DSN1: variants seen among roughly 807,000 people sequenced by gnomAD.
The protein encoded by DSN1 is DSN1 component of MIS12 kinetochore complex.
DSN1 carries 31 observed loss-of-function variants against 45.7 expected under a neutral mutation model. The observed-to-expected ratio is 0.68, with a 90% CI of 0.51 to 0.92. DSN1 has a LOEUF of 0.92. DSN1 is among the 40% of genes least tolerant of loss of function. The probability of loss-of-function intolerance (pLI) is 0.00; values close to 1 mark genes in which losing one functional copy is unlikely to be tolerated. For missense variants in DSN1, 394 were observed against 414.2 expected (o/e 0.95, Z 0.42); for synonymous variants, 134 against 142.3 (o/e 0.94, Z 0.41).
chr20:36,761,842 A>C (rs1986997591), intron 6 of DSN1, among the ~76,000 whole-genome samples: 1 of 150,692 alleles, frequency 6.6e-6, no homozygotes, highest in Non-Finnish European at 1.5e-5. Flanking sequence ...CCCCATCCCT[A>C]CTAAAAATAC....
chr20:36,770,541 T>G (rs972672051), intron 3 of DSN1, among the ~76,000 whole-genome samples: 1 of 152,138 alleles, frequency 6.6e-6, no homozygotes, highest in Non-Finnish European at 1.5e-5. Context: ...AATTAGAAAT[T>G]TATTTGTGGC....
At position 36,773,743 on chromosome 20, in the gene DSN1, G is replaced by A. The variant is rs1987773797; in HGVS notation, c.-97C>T. 2.0e-6 allele frequency: 2 copies of A among 985,574 alleles called. No individual in the cohort carries two copies. Among genetic ancestry groups the A allele is most frequent in the African/African-American group, 1.7e-5 (1 of 57,362 alleles). The allele number at this position is 985,574 out of a possible 1,614,324, so 61.1% of individuals were successfully genotyped here. On this transcript the variant is annotated 5_prime_UTR_variant, in exon 1 of 11. Transcript: ENST00000373750. ...TGCGCACCCGCAGCCGATACTCCCT[G>A]ATCAGGGTGAAGCGGTCTCCACCTT...
chr20:36,769,715 T>C (rs1363439626), intron 3 of DSN1, among the ~76,000 whole-genome samples: 1 of 152,072 alleles, frequency 6.6e-6, no homozygotes, highest in Non-Finnish European at 1.5e-5. Flanking sequence ...ATGAGGACCT[T>C]AAGACAAAGA....
intron 3 of DSN1, among the ~76,000 whole-genome samples, chr20:36,770,376 T>C (rs1022749081): frequency 2.0e-5 from 3 of 152,138 alleles, no homozygotes; most frequent in Non-Finnish European, 4.4e-5. Context: ...CTCTAGATAT[T>C]TGTATGTGCA....
chr20:36,763,275 C>T (rs557304712), intron 5 of DSN1, among the ~76,000 whole-genome samples: 1 of 151,878 alleles, frequency 6.6e-6, no homozygotes, highest in Non-Finnish European at 1.5e-5. Flanking sequence ...CGTGGTGGTA[C>T]ACGCCTGTAA....
chr20:36,771,956 C>T (rs1222637599), intron 1 of DSN1, among the ~76,000 whole-genome samples: 1 of 152,254 alleles, frequency 6.6e-6, no homozygotes, highest in Non-Finnish European at 1.5e-5. Context: ...TCTTGGCTCA[C>T]TGCAACCTCC....
intron 10 of DSN1, among the ~76,000 whole-genome samples, chr20:36,753,971 A>G (rs79579641): frequency 6.6e-6 from 1 of 151,716 alleles, no homozygotes; most frequent in South Asian, 2.1e-4. Flanking sequence ...GCACCATTGC[A>G]CTCTAGCCTG....
intron 5 of DSN1, among the ~76,000 whole-genome samples, chr20:36,765,380 A>AC (rs1358695213): frequency 2.0e-5 from 3 of 151,920 alleles, no homozygotes; most frequent in African/African-American, 4.8e-5. Flanking sequence ...ACATGGAGAA[A>AC]CCCCGTCTCT....
At chr20:36,769,464 A>G (rs1009424954) in intron 3 of DSN1, among the ~76,000 whole-genome samples, 4 of 152,200 alleles carry the variant, frequency 2.6e-5, no homozygotes. Context: ...AGGTAGGGCT[A>G]ATCTTGGGAT....
At chr20:36,764,243 C>T (rs970929852) in intron 5 of DSN1, among the ~76,000 whole-genome samples, 1 of 151,534 alleles carries the variant, frequency 6.6e-6, no homozygotes, top group Non-Finnish European at 1.5e-5. Context: ...AAATTATGGG[C>T]GTAAGGTTAA....
intron 1 of DSN1, among the ~76,000 whole-genome samples, chr20:36,772,404 T>C (rs143632521): frequency 0.015 from 2,318 of 151,898 alleles, 26 homozygotes; most frequent in Middle Eastern, 0.058. Flanking sequence ...TTCTCCTGCC[T>C]CAGCTTCCTG....
intron 2 of DSN1, 47 bp from the exon 3 acceptor site, chr20:36,771,240 C>A: frequency 6.4e-7 from 1 of 1,555,782 alleles, no homozygotes. Flanking sequence ...AAGCCCGCCA[C>A]AACTATTTGT....
intron 3 of DSN1, among the ~76,000 whole-genome samples, chr20:36,769,277 G>A (rs955536882): frequency 1.3e-5 from 2 of 152,194 alleles, no homozygotes; most frequent in African/African-American, 4.8e-5. Context: ...GCTTCAGCTG[G>A]TTGTGTTTTT....
intron 6 of DSN1, among the ~76,000 whole-genome samples, chr20:36,759,511 TCTCA>T (rs1986856841): frequency 6.6e-6 from 1 of 151,934 alleles, no homozygotes; most frequent in South Asian, 2.1e-4. Context: ...TGAGATGGAG[TCTCA>T]CTCTGTCACC....
At chr20:36,758,059 A>T in intron 8 of DSN1, 28 bp downstream of exon 8, 1 of 1,597,142 alleles carries the variant, frequency 6.3e-7, no homozygotes, top group Non-Finnish European at 8.6e-7. Context: ...AAGATTTTTA[A>T]AGAGTTTTTA....
chr20:36,753,635 C>CAAAAAAA (rs1290145844), intron 10 of DSN1, among the ~76,000 whole-genome samples: 1 of 49,872 alleles, frequency 2.0e-5, no homozygotes, highest in Non-Finnish European at 4.2e-5. Flanking sequence ...GAGACTGTCT[C>CAAAAAAA]AAAAAAAAAA....
chr20:36,771,535 T>G, intron 1 of DSN1, 62 bp from the exon 2 acceptor site: 7 of 1,480,632 alleles, frequency 4.7e-6, no homozygotes, highest in African/African-American at 2.8e-5. Context: ...CAATGGGGCT[T>G]TACAGCCCCA....
Position 36,752,784 on chromosome 20 carries a change from A to C in DSN1, c.*4T>G, listed in dbSNP as rs536379032. The stretch of plus-strand genomic sequence containing the variant: ...GGCACCTTGTGGCAGAAACTCTCAT[A>C]AAGTCACTGACAAGATCCAGATCCA... On this transcript the variant is annotated 3_prime_UTR_variant, in exon 11 of 11. Transcript: ENST00000373750. The C allele has an allele frequency of 6.2e-7, 1 of 1,613,356 alleles. No individual in the cohort carries two copies. Among genetic ancestry groups the C allele is most frequent in the South Asian group, 1.1e-5 (1 of 91,064 alleles).
At chr20:36,766,260 T>C in intron 5 of DSN1, among the ~76,000 whole-genome samples, 1 of 149,948 alleles carries the variant, frequency 6.7e-6, no homozygotes, top group South Asian at 2.1e-4. Flanking sequence ...AAGAAACTGG[T>C]GGCCATAGCT....
Sources: gnomAD v4.1 joint callset for allele counts (sites outside exome capture counted in the v4.1 genomes callset) on GRCh38, gnomAD v4.1.1 for gene constraint, MANE v1.5 for transcripts, NCBI Gene and HGNC (gene_info 2026-07-23, HGNC 2026-07-21) for gene names.